The following ANKRD30BL variants were observed in gnomAD, a reference collection of about 807,000 sequenced individuals.
The protein encoded by ANKRD30BL is putative ankyrin repeat domain-containing protein 30B-like.
In ANKRD30BL, 20 loss-of-function variants were observed where a neutral mutation model predicts 18.4. The observed-to-expected ratio is 1.09, with a 90% CI of 0.77 to 1.58. The LOEUF is 1.58. Among genes scored for constraint, ANKRD30BL ranks in the 40% most tolerant of loss-of-function variants. ANKRD30BL has a pLI of 0.00. For synonymous variants in ANKRD30BL, 72 were observed against 100.9 expected, an observed-to-expected ratio of 0.71 and a Z score of 1.72; for missense variants, 224 against 268.6, an observed-to-expected ratio of 0.83 and a Z score of 1.16.
At chr2:132,224,924 A>G (rs113800926) in intron 1 of ANKRD30BL, among the ~76,000 whole-genome samples, 1 of 152,064 alleles carries the variant, frequency 6.6e-6, no homozygotes, top group South Asian at 2.1e-4. Context: ...CTCTTTGCAG[A>G]ATCTGGAAGT....
intron 1 of ANKRD30BL, among the ~76,000 whole-genome samples, chr2:132,177,588 TGAAA>T (rs1161090433): frequency 6.6e-6 from 1 of 152,220 alleles, no homozygotes; most frequent in Non-Finnish European, 1.5e-5. Flanking sequence ...TTATATCAGC[TGAAA>T]GAAACACTCG....
chr2:132,164,529 G>T (rs545380222), upstream of ANKRD30BL, among the ~76,000 whole-genome samples: 1 of 151,740 alleles, frequency 6.6e-6, no homozygotes, highest in Non-Finnish European at 1.5e-5. Context: ...AGCCTCAGGT[G>T]ATCCGCCCAC....
chr2:132,241,536 G>A (rs1225311023), intron 1 of ANKRD30BL, among the ~76,000 whole-genome samples: 1 of 151,728 alleles, frequency 6.6e-6, no homozygotes, highest in African/African-American at 2.4e-5. Flanking sequence ...CTAGTTAGAA[G>A]CATTCTCAGA....
chr2:132,196,815 A>G (rs1014055622), intron 1 of ANKRD30BL, among the ~76,000 whole-genome samples: 5 of 147,762 alleles, frequency 3.4e-5, no homozygotes, highest in Non-Finnish European at 6.0e-5. Flanking sequence ...TCAAAAAAGG[A>G]AAAAAAAAAA....
intron 1 of ANKRD30BL, among the ~76,000 whole-genome samples, chr2:132,187,164 A>T (rs1037501142): frequency 3.5e-5 from 5 of 144,314 alleles, no homozygotes; most frequent in Admixed American, 6.8e-5. Context: ...CATCGTAGGA[A>T]GTTTTTTGTT....
chr2:132,253,896 T>C (rs1680741251), intron 1 of ANKRD30BL, among the ~76,000 whole-genome samples: 2 of 151,510 alleles, frequency 1.3e-5, no homozygotes, highest in African/African-American at 4.8e-5. Context: ...GCCAGTGGCA[T>C]GGTTTGGCAG....
intron 1 of ANKRD30BL, among the ~76,000 whole-genome samples, chr2:132,199,199 AT>A (rs1205984244): frequency 6.6e-6 from 1 of 151,970 alleles, no homozygotes; most frequent in African/African-American, 2.4e-5. Context: ...AAAAAATAAA[AT>A]TTAAAAAAAA....
At chr2:132,234,779 C>T (rs1200501021) in intron 1 of ANKRD30BL, among the ~76,000 whole-genome samples, 2 of 152,134 alleles carry the variant, frequency 1.3e-5, no homozygotes, top group Non-Finnish European at 2.9e-5. Context: ...TGGTACCATT[C>T]CTTCTGAAAC....
In ANKRD30BL at chr2:132,221,658, C is replaced by T. The variant is rs1241751157; in HGVS notation, n.441+35871G>A. On this transcript the variant is annotated intron_variant and non_coding_transcript_variant, in intron 1 of 4. Transcript: ENST00000470729. ...GGAGGGAGGTGGGGGGTTCAGCCCC[C>T]CGCCCGGCCAGCCGCCCCGTCCGGG... is the stretch of plus-strand genomic sequence containing the variant. Among the ~76,000 whole-genome samples, 22 of 125,986 alleles carry T rather than the reference C, an allele frequency of 1.7e-4. 1 individual carries two copies. The highest frequency in any genetic ancestry group is 8.3e-4 in the African/African-American group (22 of 26,448). 82.7% of individuals were successfully genotyped at this position (125,986 alleles called of 152,430 possible).
At chr2:132,148,876 A>T (rs1435442641) in intron 5 of ANKRD30BL, among the ~76,000 whole-genome samples, 1 of 152,198 alleles carries the variant, frequency 6.6e-6, no homozygotes, top group Non-Finnish European at 1.5e-5. Context: ...AGTAAATAAT[A>T]AAAAATGACA....
chr2:132,221,319 TGG>T (rs1196237011), intron 1 of ANKRD30BL, among the ~76,000 whole-genome samples: 2 of 80,700 alleles, frequency 2.5e-5, no homozygotes, highest in Non-Finnish European at 5.1e-5. Context: ...AGGAGGGAGG[TGG>T]GGGGGTCAGC....
chr2:132,183,780 T>A (rs1688517071), intron 1 of ANKRD30BL, among the ~76,000 whole-genome samples: 1 of 152,114 alleles, frequency 6.6e-6, no homozygotes, highest in African/African-American at 2.4e-5. Flanking sequence ...CATGCATATA[T>A]TTGTATATAT....
At chr2:132,232,560 C>T (rs1415330516) in intron 1 of ANKRD30BL, among the ~76,000 whole-genome samples, 1 of 151,778 alleles carries the variant, frequency 6.6e-6, no homozygotes, top group Non-Finnish European at 1.5e-5. Flanking sequence ...GGAGCTGATG[C>T]AATCAACTGG....
chr2:132,218,844 G>C (rs1331260539), intron 1 of ANKRD30BL, among the ~76,000 whole-genome samples: 1 of 152,134 alleles, frequency 6.6e-6, no homozygotes, highest in Non-Finnish European at 1.5e-5. Flanking sequence ...AAACTTCTTT[G>C]TGATGCGTAC....
At chr2:132,251,203 C>T (rs75100088) in intron 1 of ANKRD30BL, among the ~76,000 whole-genome samples, 1 of 151,912 alleles carries the variant, frequency 6.6e-6, no homozygotes, top group East Asian at 1.9e-4. Flanking sequence ...CTTAGGTACT[C>T]TTCACTAATT....
At chr2:132,168,425 AAAAG>A (rs1688223869) in intron 1 of ANKRD30BL, among the ~76,000 whole-genome samples, 1 of 152,200 alleles carries the variant, frequency 6.6e-6, no homozygotes, top group South Asian at 2.1e-4. Flanking sequence ...TCATCCTTAC[AAAAG>A]AAAGAAATCC....
intron 1 of ANKRD30BL, among the ~76,000 whole-genome samples, chr2:132,198,324 C>CTTTCTTT (rs1387738908): frequency 1.2e-4 from 2 of 16,814 alleles, no homozygotes; most frequent in African/African-American, 2.7e-4. Flanking sequence ...TTCTTTCTTT[C>CTTTCTTT]TTTTTTTTTT....
At chr2:132,235,472 T>C (rs1680129747) in intron 1 of ANKRD30BL, among the ~76,000 whole-genome samples, 1 of 152,150 alleles carries the variant, frequency 6.6e-6, no homozygotes, top group Non-Finnish European at 1.5e-5. Context: ...CTTCAGCTGA[T>C]AAGCAATTTC....
intron 1 of ANKRD30BL, among the ~76,000 whole-genome samples, chr2:132,175,055 A>T (rs1373948585): frequency 1.3e-5 from 2 of 152,138 alleles, no homozygotes; most frequent in Non-Finnish European, 2.9e-5. Flanking sequence ...ATTTGTGGGT[A>T]TTTCTAGTCA....
Sources: allele counts gnomAD v4.1 joint callset (sites outside exome capture counted in the v4.1 genomes callset), GRCh38; gene constraint gnomAD v4.1.1; transcripts MANE v1.5; gene names NCBI Gene and HGNC (gene_info 2026-07-23, HGNC 2026-07-21).